The following ATP6V1A variants were observed in gnomAD, a reference collection of about 807,000 sequenced individuals.
The protein encoded by ATP6V1A is ATPase H+ transporting V1 subunit A.
A neutral mutation model predicts 70.1 loss-of-function variants in ATP6V1A; 18 were observed. The ratio of observed to expected loss-of-function variants is 0.26; its 90% CI spans 0.18 to 0.38. The LOEUF is 0.38. ATP6V1A is among the 10% of genes least tolerant of loss of function. ATP6V1A has a pLI of 1.00. For synonymous variants in ATP6V1A, 232 were observed against 253.8 expected (o/e 0.91, Z 0.82); for missense variants, 424 against 772.4 (o/e 0.55, Z 5.35).
rs144422977 is a variant in ATP6V1A at position 113,778,700 on chromosome 3, G to A, written c.-13-41G>A. 1,338 of 1,273,074 alleles carry A rather than the reference G, an allele frequency of 1.1e-3. 14 individuals carry two copies. The African/African-American group carries it at 0.019, about 18-fold the overall frequency. 78.9% of individuals were successfully genotyped at this position (1,273,074 alleles called of 1,614,324 possible). A position where few individuals can be genotyped will look rare whatever the true frequency, so the allele number is the denominator to read the frequency against. ...CTATATTTTGGGTCTTTTGCTTTAC[G>A]GTTTATAATTATAACTTATTTATTT... On this transcript the variant is annotated intron_variant, in intron 1 of 14. Coordinates refer to ENST00000273398, the MANE Select transcript of ATP6V1A (RefSeq NM_001690.4).
At chr3:113,800,381 A>C (rs1350367590) in intron 12 of ATP6V1A, among the ~76,000 whole-genome samples, 1 of 152,226 alleles carries the variant, frequency 6.6e-6, no homozygotes, top group East Asian at 1.9e-4. Flanking sequence ...GGGGAATACA[A>C]AACCATAATA....
chr3:113,808,144 AC>A (rs1709298881), intron 14 of ATP6V1A, among the ~76,000 whole-genome samples: 2 of 151,078 alleles, frequency 1.3e-5, no homozygotes, highest in Non-Finnish European at 3.0e-5. Flanking sequence ...AAAAAAAAAA[AC>A]AAAGAAAAGA....
At chr3:113,747,835 TGTG>T (rs1708540795) in intron 1 of ATP6V1A, among the ~76,000 whole-genome samples, 1 of 152,112 alleles carries the variant, frequency 6.6e-6, no homozygotes, top group African/African-American at 2.4e-5. Flanking sequence ...AAGATGGTAT[TGTG>T]GTGTTGTGGT....
At chr3:113,767,025 T>G (rs1020377322) in intron 1 of ATP6V1A, among the ~76,000 whole-genome samples, 4 of 151,944 alleles carry the variant, frequency 2.6e-5, no homozygotes, top group South Asian at 2.1e-4. Flanking sequence ...AGATGTTTGC[T>G]TTTTTTAACA....
chr3:113,785,684 T>A (rs1709031315), intron 5 of ATP6V1A, among the ~76,000 whole-genome samples: 1 of 150,280 alleles, frequency 6.7e-6, no homozygotes, highest in Admixed American at 6.6e-5. Context: ...AATTTTTTTT[T>A]TTTGAGATGG....
At chr3:113,753,356 A>G (rs1254269079) in intron 1 of ATP6V1A, among the ~76,000 whole-genome samples, 1 of 152,230 alleles carries the variant, frequency 6.6e-6, no homozygotes, top group Non-Finnish European at 1.5e-5. Context: ...GAAGTGTTAG[A>G]GTTTTTCCTA....
At chr3:113,755,941 T>C (rs1708643105) in intron 1 of ATP6V1A, among the ~76,000 whole-genome samples, 1 of 152,248 alleles carries the variant, frequency 6.6e-6, no homozygotes, top group African/African-American at 2.4e-5. Flanking sequence ...TTCTTTTTAA[T>C]GATAGTTTAG....
At position 113,810,864 on chromosome 3, in the gene ATP6V1A, T is replaced by C. The variant is rs1709334472; in HGVS notation, c.*1437T>C. The C allele has an allele frequency of 6.6e-6, 1 of 152,240 alleles. No homozygotes were observed. 9.4% of individuals were successfully genotyped at this position (152,240 alleles called of 1,614,324 possible). ...AGTATTACTTTCTTTCATATGGTTT[T>C]TGGTTCACTGGCTTAAGAGGTTTCT... On this transcript the variant is annotated 3_prime_UTR_variant, in exon 15 of 15. Coordinates refer to ENST00000273398, the MANE Select transcript of ATP6V1A (RefSeq NM_001690.4).
At chr3:113,798,598 T>G in intron 12 of ATP6V1A, 152 bp downstream of exon 12, 5 of 595,358 alleles carry the variant, frequency 8.4e-6, no homozygotes, top group Non-Finnish European at 1.3e-5. Flanking sequence ...TTATAGTACT[T>G]AGCATGGTTT....
At chr3:113,758,306 TA>T (rs2108010333) in intron 1 of ATP6V1A, among the ~76,000 whole-genome samples, 1 of 152,304 alleles carries the variant, frequency 6.6e-6, no homozygotes, top group African/African-American at 2.4e-5. Flanking sequence ...GCACATAAAG[TA>T]TACAGTTGGA....
chr3:113,801,943 G>T (rs1171975751), intron 12 of ATP6V1A, among the ~76,000 whole-genome samples: 1 of 150,068 alleles, frequency 6.7e-6, no homozygotes, highest in Non-Finnish European at 1.5e-5. Context: ...CAAAACTGGA[G>T]ACCTGATCCA....
rs1255807369 is a variant in ATP6V1A at position 113,809,612 on chromosome 3, C to T, written c.*185C>T. On this transcript the variant is annotated 3_prime_UTR_variant, in exon 15 of 15. Transcript: ENST00000273398. ...TATATAAAACAAACATTCCTTTGTT[C>T]TAGTGTTGTGAAGGGCCTCCCTCTT... 6.0e-6 allele frequency: 3 copies of T among 499,404 alleles called. No individual in the cohort carries two copies. Among genetic ancestry groups the T allele is most frequent in the Admixed American group, 6.6e-5 (2 of 30,268 alleles). The allele number at this position is 499,404 out of a possible 1,614,324, so 30.9% of individuals were successfully genotyped here.
At chr3:113,790,068 G>A (rs1022251837) in intron 8 of ATP6V1A, among the ~76,000 whole-genome samples, 22 of 152,038 alleles carry the variant, frequency 1.4e-4, no homozygotes, top group African/African-American at 4.3e-4. Context: ...TCAGGAGTTC[G>A]AGACCAGCCT....
intron 12 of ATP6V1A, among the ~76,000 whole-genome samples, chr3:113,799,641 A>G (rs991330857): frequency 6.6e-6 from 1 of 152,216 alleles, no homozygotes; most frequent in African/African-American, 2.4e-5. Flanking sequence ...TGTAGATAAT[A>G]TGCTCATATA....
rs111278373 is a variant in ATP6V1A, at chr3:113,765,882, G to A, written c.-13-12859G>A. ...GCGGAGGTTGCAGTGAGCCGAGATC[G>A]CACCACTGCACTCCAGCCTGGGTGA... is the stretch of plus-strand genomic sequence containing the variant. On this transcript the variant is annotated intron_variant, in intron 1 of 14. Transcript: ENST00000273398. 6.0e-3 allele frequency among the ~76,000 whole-genome samples: 914 copies of A among 152,002 alleles called. 6 individuals carry two copies. Among genetic ancestry groups the A allele is most frequent in the Non-Finnish European group, 9.3e-3 (634 of 67,978 alleles).
rs191123058 is a variant in ATP6V1A, at chr3:113,755,487, G to A, written c.-14+8374G>A. Among the ~76,000 whole-genome samples, 53 of 151,620 alleles carry A rather than the reference G, an allele frequency of 3.5e-4. 1 individual carries two copies. In the East Asian group the frequency reaches 9.7e-3, roughly 28 times the overall value. ...GTGGTGGCACACACATCTAGTTCCC[G>A]CTATTCGGGAGGCTGAGGTGGGAGG... On this transcript the variant is annotated intron_variant, in intron 1 of 14. Coordinates refer to ENST00000273398, the MANE Select transcript of ATP6V1A (RefSeq NM_001690.4).
Position 113,782,602 on chromosome 3 carries a change from A to G in ATP6V1A, c.211+1424A>G, listed in dbSNP as rs1415906456. Among the ~76,000 whole-genome samples the G allele has an allele frequency of 2.7e-5, 4 of 146,292 alleles. No homozygotes were observed. The East Asian group carries it at 7.8e-4, about 29-fold the overall frequency. ...TATATATACACATATATATATATAT[A>G]CATATATATATGGTTTTTTTGTTTG... On this transcript the variant is annotated intron_variant, in intron 3 of 14. Transcript: ENST00000273398.
intron 1 of ATP6V1A, among the ~76,000 whole-genome samples, chr3:113,749,271 A>T (rs1338232727): frequency 7.0e-6 from 1 of 143,740 alleles, no homozygotes; most frequent in Non-Finnish European, 1.5e-5. Context: ...GATCACACAC[A>T]CACACACACA....
chr3:113,782,870 C>G (rs1455159787), intron 3 of ATP6V1A, among the ~76,000 whole-genome samples: 2 of 151,928 alleles, frequency 1.3e-5, no homozygotes, highest in African/African-American at 4.8e-5. Flanking sequence ...GATCCACCTG[C>G]CCCGGCCTCC....
Sources: gnomAD v4.1 joint callset for allele counts (sites outside exome capture counted in the v4.1 genomes callset) on GRCh38, gnomAD v4.1.1 for gene constraint, MANE v1.5 for transcripts, NCBI Gene and HGNC (gene_info 2026-07-23, HGNC 2026-07-21) for gene names.